The following TRHDE variants were observed in gnomAD, a reference collection of about 807,000 sequenced individuals.
TRHDE encodes thyrotropin releasing hormone degrading enzyme, also known as thyrotropin-releasing hormone-degrading ectoenzyme.
Under a neutral mutation model 125.7 loss-of-function variants are expected in TRHDE, and 72 were observed. That is an observed-to-expected ratio of 0.57 (90% confidence interval 0.47 to 0.70). TRHDE has a LOEUF of 0.70. TRHDE is among the 30% of genes least tolerant of loss of function. TRHDE has a pLI of 0.00. For missense variants in TRHDE, 1,110 were observed against 1,327.1 expected (o/e 0.84, Z 2.54); for synonymous variants, 509 against 509.1 (o/e 1.00, Z 0.00).
At chr12:72,578,579 C>T (rs1179379674) in intron 12 of TRHDE, among the ~76,000 whole-genome samples, 1 of 152,182 alleles carries the variant, frequency 6.6e-6, no homozygotes, top group African/African-American at 2.4e-5. Context: ...CAACCACTTA[C>T]TTTTCTGGTT....
upstream of TRHDE, among the ~76,000 whole-genome samples, chr12:72,268,709 C>A (rs1297296100): frequency 6.6e-6 from 1 of 151,880 alleles, no homozygotes; most frequent in Non-Finnish European, 1.5e-5. Context: ...ATAGTAAGAC[C>A]CTGGAGCCAA....
intron 7 of TRHDE, among the ~76,000 whole-genome samples, chr12:72,556,240 TC>T (rs1377070903): frequency 6.6e-6 from 1 of 152,226 alleles, no homozygotes; most frequent in Non-Finnish European, 1.5e-5. Context: ...AGAAGTGTCT[TC>T]CTTCATTTTG....
rs79750097 is a variant in TRHDE, at chr12:72,104,797, A to G, written n.175-851A>G. Among the ~76,000 whole-genome samples, 863 of 152,334 alleles carry G rather than the reference A, an allele frequency of 5.7e-3. 18 individuals are homozygous for G. Among genetic ancestry groups the G allele is most frequent in the Non-Finnish European group, 6.3e-3 (426 of 68,028 alleles). On this transcript the variant is annotated intron_variant and non_coding_transcript_variant, in intron 1 of 4. Transcript: ENST00000548156. ...AAACACAAGAGGGGACTTTATTGACATATGTAACTCAATAGCCAAGGACTT... is the reference window on the plus strand; with the variant it reads ...AAACACAAGAGGGGACTTTATTGACGTATGTAACTCAATAGCCAAGGACTT...
At chr12:72,189,514 T>C (rs1877295968) in intron 2 of TRHDE, among the ~76,000 whole-genome samples, 1 of 152,194 alleles carries the variant, frequency 6.6e-6, no homozygotes, top group East Asian at 1.9e-4. Flanking sequence ...CAGGACCTGC[T>C]AAACAGGCAG....
At chr12:72,630,507 C>T (rs960792319) in intron 15 of TRHDE, among the ~76,000 whole-genome samples, 3 of 151,648 alleles carry the variant, frequency 2.0e-5, no homozygotes, top group Non-Finnish European at 4.4e-5. Context: ...GATTTCAAGC[C>T]ACCAAGTTTA....
chr12:72,370,955 C>A (rs1315555721), intron 2 of TRHDE, among the ~76,000 whole-genome samples: 1 of 152,044 alleles, frequency 6.6e-6, no homozygotes, highest in African/African-American at 2.4e-5. Context: ...GTTGGCCATG[C>A]GGGTCTCGAA....
intron 2 of TRHDE, among the ~76,000 whole-genome samples, chr12:72,171,883 A>G (rs1876882346): frequency 6.6e-6 from 1 of 152,114 alleles, no homozygotes; most frequent in Non-Finnish European, 1.5e-5. Context: ...AATTTGTGAG[A>G]CTTTAAGTTG....
intron 6 of TRHDE, among the ~76,000 whole-genome samples, chr12:72,518,356 T>G (rs1295886525): frequency 6.7e-6 from 1 of 149,078 alleles, no homozygotes; most frequent in Non-Finnish European, 1.5e-5. Flanking sequence ...ATATTTAGGA[T>G]AGTTAGCTCT....
chr12:72,512,327 C>CA (rs940318787), intron 6 of TRHDE, among the ~76,000 whole-genome samples: 1 of 148,532 alleles, frequency 6.7e-6, no homozygotes, highest in Admixed American at 6.9e-5. Context: ...TAGACTTCAT[C>CA]AGTAGTCATA....
Position 72,159,065 on chromosome 12 carries a change from A to G in TRHDE, n.279+53313A>G, listed in dbSNP as rs535228440. ...AATTCTGTTTGATCTGTCAGTCTAC[A>G]ATATGATTTTAATTACAGTAACTTT... On this transcript the variant is annotated intron_variant and non_coding_transcript_variant, in intron 2 of 4. Coordinates refer to the TRHDE transcript ENST00000548156. Among the ~76,000 whole-genome samples the G allele has an allele frequency of 2.8e-3, 421 of 152,312 alleles. 1 individual carries two copies. Among genetic ancestry groups the G allele is most frequent in the African/African-American group, 9.7e-3 (403 of 41,576 alleles).
intron 2 of TRHDE, among the ~76,000 whole-genome samples, chr12:72,361,334 G>A (rs1015564820): frequency 2.0e-5 from 3 of 151,780 alleles, no homozygotes; most frequent in African/African-American, 7.3e-5. Context: ...AATGTGTCAA[G>A]CTGAATAAAA....
chr12:72,563,869 G>A (rs925522751), intron 9 of TRHDE, among the ~76,000 whole-genome samples: 4 of 152,124 alleles, frequency 2.6e-5, no homozygotes, highest in Non-Finnish European at 4.4e-5. Flanking sequence ...GCAATGAGAT[G>A]TTTGGATTGG....
intron 3 of TRHDE, among the ~76,000 whole-genome samples, chr12:72,378,778 T>A (rs947992064): frequency 3.3e-5 from 5 of 152,196 alleles, no homozygotes; most frequent in Non-Finnish European, 5.9e-5. Flanking sequence ...TTCTTATATT[T>A]CTTCCTTTTA....
At chr12:72,106,930 T>C (rs927195610) in intron 2 of TRHDE, among the ~76,000 whole-genome samples, 1 of 152,074 alleles carries the variant, frequency 6.6e-6, no homozygotes, top group African/African-American at 2.4e-5. Context: ...CATCTTCAAA[T>C]AACAGATGAT....
At chr12:72,127,963 G>A (rs113456745) in intron 2 of TRHDE, among the ~76,000 whole-genome samples, 5,945 of 152,098 alleles carry the variant, frequency 0.039, 217 homozygotes, top group South Asian at 0.11. Flanking sequence ...GAGAATCTGG[G>A]GGGACTAAGG....
chr12:72,517,903 C>A (rs1283505664), intron 6 of TRHDE, among the ~76,000 whole-genome samples: 1 of 152,092 alleles, frequency 6.6e-6, no homozygotes, highest in Admixed American at 6.5e-5. Context: ...TCATTATGTA[C>A]CCAGTTGTCA....
intron 2 of TRHDE, among the ~76,000 whole-genome samples, chr12:72,267,304 T>G (rs550020989): frequency 2.6e-5 from 4 of 152,236 alleles, no homozygotes; most frequent in South Asian, 4.1e-4. Context: ...TAAAAAGTTT[T>G]AACCTAGCAT....
At chr12:72,516,879 C>T (rs1347363648) in intron 6 of TRHDE, among the ~76,000 whole-genome samples, 5 of 152,058 alleles carry the variant, frequency 3.3e-5, no homozygotes, top group Non-Finnish European at 7.4e-5. Context: ...TGTCAAAGGC[C>T]TTTTCTGCAT....
intron 1 of TRHDE, among the ~76,000 whole-genome samples, chr12:72,099,147 G>C (rs559492024): frequency 1.1e-4 from 16 of 150,572 alleles, no homozygotes; most frequent in African/African-American, 3.4e-4. Flanking sequence ...CTGGGCAACA[G>C]AGTGAGACTC....
Sources: gnomAD v4.1 joint callset for allele counts (sites outside exome capture counted in the v4.1 genomes callset) on GRCh38, gnomAD v4.1.1 for gene constraint, MANE v1.5 for transcripts, NCBI Gene and HGNC (gene_info 2026-07-23, HGNC 2026-07-21) for gene names.